The following XIRP2 variants were observed in gnomAD, a reference collection of about 807,000 sequenced individuals.
The protein encoded by XIRP2 is xin actin-binding repeat-containing protein 2.
Under a neutral mutation model 277.0 loss-of-function variants are expected in XIRP2, and 236 were observed. That is an observed-to-expected ratio of 0.85 (90% CI 0.77 to 0.95). XIRP2 has a LOEUF of 0.95. XIRP2 is among the 40% of genes least tolerant of loss of function. The pLI, the probability that XIRP2 is intolerant of heterozygous loss-of-function variation, is 0.00. For missense variants in XIRP2, 4,640 were observed against 4,157.5 expected, an observed-to-expected ratio of 1.12 and a Z score of -3.19; for synonymous variants, 1,490 against 1,416.5, an observed-to-expected ratio of 1.05 and a Z score of -1.17.
chr2:167,082,717 G>GT (rs539761156), intron 2 of XIRP2, among the ~76,000 whole-genome samples: 1 of 152,086 alleles, frequency 6.6e-6, no homozygotes, highest in African/African-American at 2.4e-5. Context: ...TTTTTCATGT[G>GT]TTTTTTGGCT....
At chr2:166,894,724 C>A (rs991331312) in intron 1 of XIRP2, among the ~76,000 whole-genome samples, 1 of 152,040 alleles carries the variant, frequency 6.6e-6, no homozygotes, top group African/African-American at 2.4e-5. Context: ...GTGTTAGAAG[C>A]GAAGGATAAA....
At chr2:167,239,808 A>G in intron 5 of XIRP2, 47 bp from the exon 6 acceptor site, 1 of 1,530,110 alleles carries the variant, frequency 6.5e-7, no homozygotes, top group Non-Finnish European at 8.8e-7. Flanking sequence ...AAAAGTTAAA[A>G]TTTTTACTTT....
At chr2:167,091,422 T>G (rs1690144126) in intron 2 of XIRP2, among the ~76,000 whole-genome samples, 1 of 152,174 alleles carries the variant, frequency 6.6e-6, no homozygotes, top group African/African-American at 2.4e-5. Flanking sequence ...ATTTCTGACT[T>G]ATCATTCACT....
At chr2:167,039,523 G>A (rs1363375458) in intron 2 of XIRP2, among the ~76,000 whole-genome samples, 1 of 152,144 alleles carries the variant, frequency 6.6e-6, no homozygotes, top group Non-Finnish European at 1.5e-5. Context: ...AGTCATTCTT[G>A]TAGCTAAGTG....
intron 3 of XIRP2, among the ~76,000 whole-genome samples, chr2:167,148,047 C>G (rs1691906872): frequency 6.6e-6 from 1 of 151,796 alleles, no homozygotes; most frequent in Non-Finnish European, 1.5e-5. Flanking sequence ...AATTTTTAAA[C>G]TACTAGACAA....
chr2:167,205,483 G>C (rs1435596881), intron 3 of XIRP2, among the ~76,000 whole-genome samples: 1 of 151,982 alleles, frequency 6.6e-6, no homozygotes, highest in African/African-American at 2.4e-5. Context: ...CCTTTTCCTT[G>C]TTATTAATGG....
chr2:167,108,667 C>T (rs1690669043), intron 2 of XIRP2, among the ~76,000 whole-genome samples: 2 of 151,980 alleles, frequency 1.3e-5, no homozygotes, highest in African/African-American at 4.8e-5. Context: ...AAATATAAAA[C>T]TTAAGAATAG....
chr2:167,187,467 G>A, intron 3 of XIRP2: 1 of 985,340 alleles, frequency 1.0e-6, no homozygotes, highest in Non-Finnish European at 1.2e-6. Flanking sequence ...AAGCTAGTCT[G>A]TGAAGAACTA....
intron 3 of XIRP2, among the ~76,000 whole-genome samples, chr2:167,157,305 T>C (rs190503717): frequency 6.6e-6 from 1 of 152,228 alleles, no homozygotes; most frequent in East Asian, 1.9e-4. Flanking sequence ...ATTTATTTAC[T>C]AATCAATCTA....
chr2:167,245,713 G>A lies in XIRP2; in HGVS notation c.4321G>A (p.Val1441Ile). The A allele has an allele frequency of 6.2e-7, 1 of 1,613,634 alleles. No homozygotes were observed. Among genetic ancestry groups the A allele is most frequent in the Non-Finnish European group, 8.5e-7 (1 of 1,179,724 alleles). The part of the protein sequence containing the change: ...DKNNYIRTVS[V>I]NEIQKGNVKT... ...GAATAACTATATACGAACAGTAAGTGTCAATGAAATACAAAAGGGCAATGT... is the reference window on the plus strand; with the variant it reads ...GAATAACTATATACGAACAGTAAGTATCAATGAAATACAAAAGGGCAATGT... Residue 1441 changes from valine (V) to isoleucine (I), a missense_variant, in exon 9 of 11, where the codon GTC becomes ATC. Transcript: ENST00000409195.
Position 166,903,757 on chromosome 2 carries a change from G to T in XIRP2, c.275G>T (p.Arg92Leu), listed in dbSNP as rs745669656. Reference protein sequence around the residue: ...DKSNNTREYGRPEVLKEDSLS... With the variant: ...DKSNNTREYGLPEVLKEDSLS... ...AGTAACAACACCAGGGAATATGGTC[G>T]GCCAGAAGTGCTGAAGGAGGATTCC... The change falls in exon 2 of 11, where the codon CGG (arginine) becomes CTG (leucine). Residue 92 changes from arginine to leucine, a missense_variant. Transcript: ENST00000409195. 1.2e-6 allele frequency: 2 copies of T among 1,613,612 alleles called. No individual in the cohort carries two copies. The highest frequency in any genetic ancestry group is 1.7e-5 in the Admixed American group (1 of 59,918).
At chr2:167,141,769 G>C (rs745681607) in intron 3 of XIRP2, among the ~76,000 whole-genome samples, 22 of 152,126 alleles carry the variant, frequency 1.4e-4, no homozygotes, top group Non-Finnish European at 3.1e-4. Context: ...GCTGAGGCAG[G>C]AGGATCCCTT....
chr2:167,084,975 C>T (rs1689884997), intron 2 of XIRP2, among the ~76,000 whole-genome samples: 3 of 135,988 alleles, frequency 2.2e-5, no homozygotes, highest in African/African-American at 7.7e-5. Context: ...TATTTCTTGC[C>T]TTCTGCTAGC....
intron 1 of XIRP2, among the ~76,000 whole-genome samples, chr2:166,895,351 T>A (rs1396677493): frequency 6.6e-6 from 1 of 152,174 alleles, no homozygotes; most frequent in Non-Finnish European, 1.5e-5. Flanking sequence ...TCTACCTTGC[T>A]ACATCTCAGT....
intron 2 of XIRP2, among the ~76,000 whole-genome samples, chr2:166,979,048 G>A (rs1002747777): frequency 6.6e-6 from 1 of 152,146 alleles, no homozygotes; most frequent in Non-Finnish European, 1.5e-5. Flanking sequence ...TCTAGGACTT[G>A]TTTTGTTGAT....
rs530733596 is a variant in XIRP2, at chr2:167,201,128, A to AAG, written c.563-9592_563-9591dup. ...ACAACAGAGTGAGGCTTTGTCAAGA[A>AAG]AGAGAGAGAGAGAGAGGGAGGGAGG... On this transcript the variant is annotated intron_variant, in intron 3 of 10. Coordinates refer to ENST00000409195, the MANE Select transcript of XIRP2 (RefSeq NM_152381.6). Among the ~76,000 whole-genome samples, 59 of 147,266 alleles carry AAG rather than the reference A, an allele frequency of 4.0e-4. 1 individual carries two copies. Among genetic ancestry groups the AAG allele is most frequent in the African/African-American group, 1.3e-3 (53 of 40,142 alleles).
At chr2:166,985,148 A>C (rs1244796303) in intron 2 of XIRP2, among the ~76,000 whole-genome samples, 1 of 152,224 alleles carries the variant, frequency 6.6e-6, no homozygotes. Context: ...TGCTAAACAC[A>C]TACTACAATT....
In XIRP2 at chr2:167,037,442, GC is replaced by G. The variant is rs146541087; in HGVS notation, c.409-98466del. Among the ~76,000 whole-genome samples the G allele has an allele frequency of 7.2e-3, 1,085 of 151,722 alleles. 14 individuals are homozygous for G. The highest frequency in any genetic ancestry group is 0.025 in the African/African-American group (1,016 of 41,314). On this transcript the variant is annotated intron_variant, in intron 2 of 10. Coordinates refer to ENST00000409195, the MANE Select transcript of XIRP2 (RefSeq NM_152381.6). The stretch of plus-strand genomic sequence containing the variant: ...TCAGCTTGCTATTCTTGAAGAAATG[GC>G]ACCAAGCCTATCTCTGTAGTTTTGC...
intron 2 of XIRP2, among the ~76,000 whole-genome samples, chr2:166,937,321 C>A (rs1012738079): frequency 1.3e-5 from 2 of 152,086 alleles, no homozygotes; most frequent in Non-Finnish European, 2.9e-5. Flanking sequence ...TTGTCAAAGG[C>A]CTTTTCTGCA....
Sources: allele counts gnomAD v4.1 joint callset (sites outside exome capture counted in the v4.1 genomes callset), GRCh38; gene constraint gnomAD v4.1.1; transcripts MANE v1.5; gene names NCBI Gene and HGNC (gene_info 2026-07-23, HGNC 2026-07-21).